Variants in SENP1 observed in about 807,000 individuals in gnomAD.
SENP1 encodes sentrin-specific protease 1.
Under a neutral mutation model 93.0 loss-of-function variants are expected in SENP1, and 21 were observed. That is an observed-to-expected ratio of 0.23 (90% CI 0.16 to 0.33). The LOEUF is 0.33. SENP1 is among the 10% of genes least tolerant of loss of function. The pLI is 1.00. For missense variants in SENP1, 591 were observed against 758.7 expected (o/e 0.78, Z 2.60); for synonymous variants, 256 against 259.6 (o/e 0.99, Z 0.13).
At chr12:48,059,392 A>G (rs1202309237) in intron 13 of SENP1, among the ~76,000 whole-genome samples, 1 of 151,974 alleles carries the variant, frequency 6.6e-6, no homozygotes, top group African/African-American at 2.4e-5. Flanking sequence ...TACCTTATAT[A>G]TTTTTATTTC....
At chr12:48,105,602 G>C (rs1946476749) in intron 1 of SENP1, 2 of 462,464 alleles carry the variant, frequency 4.3e-6, no homozygotes, top group Admixed American at 2.4e-5. Flanking sequence ...TCTCAAGGAA[G>C]GCGGGAGATG....
chr12:48,063,946 G>A (rs777877128), intron 12 of SENP1, 105 bp from the exon 13 acceptor site: 19 of 1,095,400 alleles, frequency 1.7e-5, no homozygotes, highest in Non-Finnish European at 2.2e-5. Context: ...ATCACCATTC[G>A]ATTGTTTATA....
At chr12:48,099,644 AC>A (rs1945789632) in intron 2 of SENP1, among the ~76,000 whole-genome samples, 2 of 152,048 alleles carry the variant, frequency 1.3e-5, no homozygotes, top group South Asian at 4.1e-4. Context: ...ACATGGCAAA[AC>A]CCCATCTCTA....
chr12:48,071,421 GC>G (rs1425486566), intron 9 of SENP1, among the ~76,000 whole-genome samples: 2 of 152,128 alleles, frequency 1.3e-5, no homozygotes, highest in African/African-American at 4.8e-5. Context: ...TTCGAGACCA[GC>G]CTGGCCAACA....
chr12:48,045,530 A>T, intron 17 of SENP1, 146 bp from the exon 18 acceptor site: 1 of 651,098 alleles, frequency 1.5e-6, no homozygotes, highest in Non-Finnish European at 2.6e-6. Context: ...TCTTGGTTAC[A>T]TGTAGTTTTT....
intron 3 of SENP1, 90 bp downstream of exon 3, chr12:48,097,903 AT>A: frequency 2.6e-6 from 3 of 1,176,416 alleles, no homozygotes; most frequent in Non-Finnish European, 3.6e-6. Context: ...CTATGCTTGT[AT>A]TTTTGAGTGT....
intron 1 of SENP1, among the ~76,000 whole-genome samples, chr12:48,102,431 C>CAAAAAAAAAAAAAAAAAAAAAA (rs57161608): frequency 2.1e-5 from 1 of 47,458 alleles, no homozygotes; most frequent in African/African-American, 8.1e-5. Context: ...GACTCTGTCT[C>CAAAAAAAAAAAAAAAAAAAAAA]AAAAAAAAAA....
intron 4 of SENP1, among the ~76,000 whole-genome samples, chr12:48,089,751 A>G (rs749160481): frequency 1.3e-5 from 2 of 152,194 alleles, no homozygotes; most frequent in African/African-American, 4.8e-5. Context: ...GCTCCCTCAA[A>G]ATAACTTCAG....
intron 4 of SENP1, among the ~76,000 whole-genome samples, chr12:48,094,455 G>C (rs186783462): frequency 2.3e-4 from 35 of 152,256 alleles, no homozygotes; most frequent in South Asian, 8.3e-4. Flanking sequence ...CGAGGCAGGT[G>C]AATCACCTAA....
intron 6 of SENP1, among the ~76,000 whole-genome samples, chr12:48,075,961 A>T (rs539319604): frequency 1.6e-4 from 25 of 152,230 alleles, no homozygotes; most frequent in Admixed American, 6.5e-5. Flanking sequence ...AAGCCCTGAG[A>T]GAGGAAGGTG....
At chr12:48,062,963 G>T (rs1024275535) in intron 13 of SENP1, among the ~76,000 whole-genome samples, 1 of 152,154 alleles carries the variant, frequency 6.6e-6, no homozygotes, top group Admixed American at 6.6e-5. Flanking sequence ...TGTGAAGCTT[G>T]AGTATACCCA....
At chr12:48,085,346 G>C (rs1398928740) in intron 5 of SENP1, 3 of 1,439,694 alleles carry the variant, frequency 2.1e-6, no homozygotes, top group Non-Finnish European at 2.9e-6. Context: ...CCTCCAAGGA[G>C]CACCCATATG....
chr12:48,051,000 C>G (rs186502987), intron 13 of SENP1, among the ~76,000 whole-genome samples: 6 of 150,274 alleles, frequency 4.0e-5, no homozygotes, highest in Non-Finnish European at 7.4e-5. Flanking sequence ...GAGATAAGGA[C>G]GGTGAAGCAC....
chr12:48,045,647 T>C lies in SENP1; in HGVS notation c.1873-263A>G, dbSNP rs1021570056. ...GCTATGCCCACGTCTCTAAGAATTTTGAGAATGGTGTCTAATAAGTCTTCT... is the reference window on the plus strand; with the variant it reads ...GCTATGCCCACGTCTCTAAGAATTTCGAGAATGGTGTCTAATAAGTCTTCT... On this transcript the variant is annotated intron_variant, in intron 17 of 17. Transcript: ENST00000549518. Among the ~76,000 whole-genome samples, 6 of 152,168 alleles carry C rather than the reference T, an allele frequency of 3.9e-5. No individual in the cohort carries two copies. The East Asian group carries it at 1.2e-3, about 29-fold the overall frequency.
intron 13 of SENP1, among the ~76,000 whole-genome samples, chr12:48,056,378 T>TA (rs1942352315): frequency 2.6e-5 from 3 of 114,832 alleles, no homozygotes; most frequent in Middle Eastern, 0.012. Flanking sequence ...ATTACATATA[T>TA]ATTTAATATA....
chr12:48,078,784 C>A (rs376118397), intron 6 of SENP1, among the ~76,000 whole-genome samples: 2 of 152,280 alleles, frequency 1.3e-5, no homozygotes, highest in African/African-American at 4.8e-5. Context: ...AAACAAAATT[C>A]TTTTTTGGAC....
chr12:48,056,357 T>TTACATATA (rs1565743556), intron 13 of SENP1, among the ~76,000 whole-genome samples: 1 of 104,228 alleles, frequency 9.6e-6, no homozygotes, highest in Non-Finnish European at 1.8e-5. Flanking sequence ...ATATAATATA[T>TTACATATA]TATTTAATAT....
At chr12:48,083,558 C>T (rs768615090) in intron 6 of SENP1, 33 bp downstream of exon 6, 11 of 1,590,902 alleles carry the variant, frequency 6.9e-6, no homozygotes, top group South Asian at 1.1e-5. Context: ...AAGATCCTAA[C>T]TTTTAGTAGC....
chr12:48,060,160 C>A (rs561987102), intron 13 of SENP1, among the ~76,000 whole-genome samples: 1 of 152,184 alleles, frequency 6.6e-6, no homozygotes, highest in Non-Finnish European at 1.5e-5. Flanking sequence ...CTGCCTGGTA[C>A]TACCTGTTAT....
Sources: gnomAD v4.1 joint callset for allele counts (sites outside exome capture counted in the v4.1 genomes callset) on GRCh38, gnomAD v4.1.1 for gene constraint, MANE v1.5 for transcripts, NCBI Gene and HGNC (gene_info 2026-07-23, HGNC 2026-07-21) for gene names.